PGBD5: variants seen among roughly 807,000 people sequenced by gnomAD.
PGBD5 encodes the protein piggyBac transposable element derived 5.
Under a neutral mutation model 47.9 loss-of-function variants are expected in PGBD5, and 14 were observed. That is an observed-to-expected ratio of 0.29 (90% confidence interval 0.19 to 0.46). PGBD5 has a LOEUF of 0.46. Ranked by LOEUF, PGBD5 falls within the 20% of genes least tolerant of loss-of-function variation. The pLI is 1.00. For missense variants in PGBD5, 635 were observed against 716.0 expected (o/e 0.89, Z 1.29); for synonymous variants, 316 against 306.3 (o/e 1.03, Z -0.33).
chr1:230,340,501 G>A (rs16851522), intron 3 of PGBD5, among the ~76,000 whole-genome samples: 4,892 of 152,126 alleles, frequency 0.032, 105 homozygotes, highest in East Asian at 0.084. Flanking sequence ...ACACTCAAGC[G>A]GCTATTTCTG....
At chr1:230,408,158 C>T (rs1289884646) in intron 1 of PGBD5, among the ~76,000 whole-genome samples, 1 of 152,150 alleles carries the variant, frequency 6.6e-6, no homozygotes, top group African/African-American at 2.4e-5. Flanking sequence ...AAGCCACTGA[C>T]AGCATGAGAG....
chr1:230,346,684 C>T (rs1297658359), intron 3 of PGBD5, among the ~76,000 whole-genome samples: 1 of 152,170 alleles, frequency 6.6e-6, no homozygotes, highest in African/African-American at 2.4e-5. Flanking sequence ...GAGCTCATGG[C>T]TACTCTCTTC....
rs537768028 is a variant in PGBD5 at position 230,334,631 on chromosome 1, C to T, written c.1076-1590G>A. ...GGGGGGACAGTGGCCCAGACCAATG[C>T]AATCTGTGTCCTGAGGAGGCACGGT... On this transcript the variant is annotated intron_variant, in intron 4 of 6. Transcript: ENST00000391860. Among the ~76,000 whole-genome samples the T allele has an allele frequency of 1.1e-4, 16 of 152,306 alleles. No homozygotes were observed. In the East Asian group the frequency reaches 2.9e-3, roughly 28 times the overall value.
Position 230,331,872 on chromosome 1 carries a change from T to C in PGBD5, c.1273+972A>G, listed in dbSNP as rs768786235. 5.3e-5 allele frequency among the ~76,000 whole-genome samples: 8 copies of C among 151,962 alleles called. No individual in the cohort carries two copies. In the East Asian group the frequency reaches 5.8e-4, roughly 11 times the overall value. ...CAATCCTCTACAACCAAATCGAGTA[T>C]TGATGCCCATCTGCTGGGGTCCCTT... is the stretch of plus-strand genomic sequence containing the variant. On this transcript the variant is annotated intron_variant, in intron 5 of 6. Coordinates refer to ENST00000391860, the MANE Select transcript of PGBD5 (RefSeq NM_001258311.2).
chr1:230,352,705 C>T (rs999396215), intron 2 of PGBD5, among the ~76,000 whole-genome samples: 8 of 152,196 alleles, frequency 5.3e-5, no homozygotes, highest in Admixed American at 3.9e-4. Flanking sequence ...CTGGCCCTCA[C>T]GCCTGGCTTC....
chr1:230,347,486 T>C (rs1667493144), intron 3 of PGBD5, among the ~76,000 whole-genome samples: 2 of 147,864 alleles, frequency 1.4e-5, no homozygotes, highest in Admixed American at 6.7e-5. Context: ...CTTTTTTTTT[T>C]TTTTTTTTTT....
intron 1 of PGBD5, among the ~76,000 whole-genome samples, chr1:230,405,307 C>G (rs1349746863): frequency 1.3e-5 from 2 of 152,138 alleles, no homozygotes; most frequent in Non-Finnish European, 1.5e-5. Context: ...TCCTCCTCTG[C>G]CACCCCTGAG....
intron 4 of PGBD5, chr1:230,336,035 A>G (rs1667320281): frequency 6.6e-6 from 1 of 152,074 alleles, no homozygotes; most frequent in East Asian, 1.9e-4. Flanking sequence ...CATAAACATC[A>G]CACTCGCAGT....
chr1:230,368,565 A>G (rs1224564718), intron 1 of PGBD5, among the ~76,000 whole-genome samples: 1 of 152,204 alleles, frequency 6.6e-6, no homozygotes, highest in Non-Finnish European at 1.5e-5. Context: ...GGGGAAATGA[A>G]ATGACGCAGG....
At position 230,323,388 on chromosome 1, in the gene PGBD5, C is replaced by A; in HGVS notation, c.*37G>T. 1 of 1,591,822 alleles carries A rather than the reference C, an allele frequency of 6.3e-7. No individual in the cohort carries two copies. Among genetic ancestry groups the A allele is most frequent in the Non-Finnish European group, 8.6e-7 (1 of 1,169,488 alleles). On this transcript the variant is annotated 3_prime_UTR_variant, in exon 7 of 7. Transcript: ENST00000391860. This position sits in a 1 kb window ranked among gnomAD's most constrained non-coding sequence, Gnocchi z 4.1. Reference sequence around the variant, plus strand: ...TGGAACGGCAGGCTCTCCTCCTCCTCTTGCCCCTCCCTTGACCGAGTCCTG... The same window carrying A: ...TGGAACGGCAGGCTCTCCTCCTCCTATTGCCCCTCCCTTGACCGAGTCCTG...
intron 1 of PGBD5, among the ~76,000 whole-genome samples, chr1:230,411,347 A>T (rs1239479845): frequency 1.3e-5 from 2 of 152,234 alleles, no homozygotes; most frequent in Admixed American, 1.3e-4. Context: ...TATGATTGAG[A>T]GCAGGTATAA....
rs201548239 is a variant in PGBD5, at chr1:230,337,147, T to C, written c.1036A>G (p.Ile346Val). Reference sequence around the variant, plus strand: ...TCTTCAAACAGCGTCAGGCTGGTGATGCTGGGCCCCGTGAAAATGATGTAG... The same window carrying C: ...TCTTCAAACAGCGTCAGGCTGGTGACGCTGGGCCCCGTGAAAATGATGTAG... ...KNYIIFTGPS[I>V]TSLTLFEEFE... The change falls in exon 4 of 7, where the codon ATC becomes GTC. Residue 346 changes from isoleucine to valine, a missense_variant. Transcript: ENST00000391860. 1.2e-6 allele frequency: 2 copies of C among 1,614,222 alleles called. No homozygotes were observed. Among genetic ancestry groups the C allele is most frequent in the South Asian group, 1.1e-5 (1 of 91,086 alleles).
chr1:230,402,596 G>C (rs1657164787), intron 1 of PGBD5, among the ~76,000 whole-genome samples: 1 of 152,140 alleles, frequency 6.6e-6, no homozygotes, highest in Non-Finnish European at 1.5e-5. Context: ...TAGGACTACA[G>C]GTACATACCA....
chr1:230,413,408 G>A lies in PGBD5; in HGVS notation c.331+12190C>T, dbSNP rs144706090. Among the ~76,000 whole-genome samples the A allele has an allele frequency of 6.2e-3, 939 of 152,220 alleles. 11 individuals are homozygous for A. The highest frequency in any genetic ancestry group is 0.021 in the African/African-American group (889 of 41,512). On this transcript the variant is annotated intron_variant, in intron 1 of 6. Transcript: ENST00000391860. Reference sequence around the variant, plus strand: ...CCAGCTACTCAGGAGGCTGGGGTGGGAGGATTGCTTGGGCCTGGGAAGTAG... The same window carrying A: ...CCAGCTACTCAGGAGGCTGGGGTGGAAGGATTGCTTGGGCCTGGGAAGTAG...
chr1:230,323,696 C>T lies in PGBD5; in HGVS notation c.1380-76G>A. 2.8e-6 allele frequency: 4 copies of T among 1,412,594 alleles called. No homozygotes were observed. Among genetic ancestry groups the T allele is most frequent in the Non-Finnish European group, 3.9e-6 (4 of 1,025,824 alleles). 87.5% of individuals were successfully genotyped at this position (1,412,594 alleles called of 1,614,324 possible). ...GAGATGCATCCCAAAGGCCCCCCCT[C>T]ACCACAGCCCGTGAGACGCTGCAGG... is the stretch of plus-strand genomic sequence containing the variant. On this transcript the variant is annotated intron_variant, in intron 6 of 6. Transcript: ENST00000391860. This position sits in a 1 kb window ranked among gnomAD's most constrained non-coding sequence, Gnocchi z 4.1.
chr1:230,347,976 A>C (rs928333719), intron 3 of PGBD5, among the ~76,000 whole-genome samples: 1 of 152,228 alleles, frequency 6.6e-6, no homozygotes, highest in African/African-American at 2.4e-5. Context: ...TGCCCCTTCA[A>C]ATCTTTTCAC....
At chr1:230,421,775 C>A (rs1487322314) in intron 1 of PGBD5, among the ~76,000 whole-genome samples, 1 of 152,162 alleles carries the variant, frequency 6.6e-6, no homozygotes, top group African/African-American at 2.4e-5. Context: ...GCTCACCAAG[C>A]TTCAAAGTTC....
intron 1 of PGBD5, among the ~76,000 whole-genome samples, chr1:230,403,135 G>A (rs375633472): frequency 1.3e-5 from 2 of 152,200 alleles, no homozygotes; most frequent in East Asian, 3.9e-4. Context: ...ACAGAAACAT[G>A]GGTGGATGCA....
Position 230,323,188 on chromosome 1 carries a change from T to C in PGBD5, c.*237A>G. 1 of 538,756 alleles carries C rather than the reference T, an allele frequency of 1.9e-6. No homozygotes were observed. The highest frequency in any genetic ancestry group is 3.3e-6 in the Non-Finnish European group (1 of 303,552). The allele number at this position is 538,756 out of a possible 1,614,324, so 33.4% of individuals were successfully genotyped here. ...CTGCCCTTGAGAACGTGGGTGTAAG[T>C]GCTCATCACACCGGCGGCACTGTTT... is the stretch of plus-strand genomic sequence containing the variant. On this transcript the variant is annotated 3_prime_UTR_variant, in exon 7 of 7. Coordinates refer to ENST00000391860, the MANE Select transcript of PGBD5 (RefSeq NM_001258311.2). This position sits in a 1 kb window ranked among gnomAD's most constrained non-coding sequence, Gnocchi z 4.1.
Sources: gnomAD v4.1 joint callset for allele counts (sites outside exome capture counted in the v4.1 genomes callset) on GRCh38, gnomAD v4.1.1 for gene constraint, Gnocchi (gnomAD v3.1) non-coding constraint, MANE v1.5 for transcripts, NCBI Gene and HGNC (gene_info 2026-07-23, HGNC 2026-07-21) for gene names.